Variants in LRRC37A2 observed in about 807,000 individuals in gnomAD.
LRRC37A2 encodes leucine-rich repeat-containing protein 37A2.
A neutral mutation model predicts 68.8 loss-of-function variants in LRRC37A2; 9 were observed. The observed-to-expected ratio is 0.13, with a 90% CI of 0.08 to 0.23. LRRC37A2 has a LOEUF of 0.23. Among genes scored for constraint, LRRC37A2 ranks in the 10% least tolerant of loss-of-function variants. LRRC37A2 has a pLI of 1.00. For missense variants in LRRC37A2, 168 were observed against 950.4 expected, an observed-to-expected ratio of 0.18 and a Z score of 10.82; for synonymous variants, 63 against 367.6, an observed-to-expected ratio of 0.17 and a Z score of 9.48.
the LRRC37A2 span, among the ~76,000 whole-genome samples, chr17:46,772,740 T>C: frequency 1.3e-5 from 2 of 152,126 alleles, no homozygotes; most frequent in African/African-American, 4.8e-5. Context: ...GGAACTGCAC[T>C]CTAAAATGGG....
At chr17:46,822,422 G>A in the LRRC37A2 span, among the ~76,000 whole-genome samples, 368 of 152,352 alleles carry the variant, frequency 2.4e-3, 2 homozygotes, top group Middle Eastern at 6.8e-3. Context: ...CGCATAGTAG[G>A]TAAGCACCAG....
chr17:46,885,025 G>C, the LRRC37A2 span: 2 of 432,264 alleles, frequency 4.6e-6, no homozygotes, highest in South Asian at 3.3e-5. Context: ...TCTTGTTCTT[G>C]TTGCGCAGGT....
chr17:46,800,643 C>G, the LRRC37A2 span, among the ~76,000 whole-genome samples: 60 of 152,330 alleles, frequency 3.9e-4, no homozygotes, highest in South Asian at 0.012. Flanking sequence ...CCAGCTGGAG[C>G]AGGGAGACAA....
At chr17:46,750,525 T>C in the LRRC37A2 span, among the ~76,000 whole-genome samples, 3 of 152,212 alleles carry the variant, frequency 2.0e-5, no homozygotes, top group Non-Finnish European at 2.9e-5. Context: ...TTTGGAGCAT[T>C]TTAGATTTCA....
the LRRC37A2 span, among the ~76,000 whole-genome samples, chr17:46,823,101 A>T: frequency 6.8e-5 from 9 of 132,190 alleles, no homozygotes; most frequent in South Asian, 6.7e-4. Flanking sequence ...GTATTATATA[A>T]TAAACACATA....
chr17:47,028,099 A>G, the LRRC37A2 span, among the ~76,000 whole-genome samples: 390 of 152,356 alleles, frequency 2.6e-3, 2 homozygotes, highest in Non-Finnish European at 2.7e-3. Flanking sequence ...TATCTAATGC[A>G]CCACGTGTGC....
the LRRC37A2 span, chr17:47,035,116 C>T: frequency 6.6e-6 from 1 of 152,182 alleles, no homozygotes; most frequent in Non-Finnish European, 1.5e-5. Context: ...GGTCTTCTGG[C>T]ACCTGGTGTT....
At chr17:46,991,586 T>TGGGGGGGG in the LRRC37A2 span, among the ~76,000 whole-genome samples, 1 of 151,734 alleles carries the variant, frequency 6.6e-6, no homozygotes, top group Admixed American at 6.6e-5. Flanking sequence ...CACTCCAGCT[T>TGGGGGGGG]GGGCAACAAG....
chr17:46,957,230 A>G, the LRRC37A2 span, among the ~76,000 whole-genome samples: 2 of 152,180 alleles, frequency 1.3e-5, no homozygotes, highest in Non-Finnish European at 2.9e-5. Flanking sequence ...GCTTGAGCCC[A>G]GGAGGTGGAG....
chr17:46,454,112 G>T, the LRRC37A2 span, among the ~76,000 whole-genome samples: 1 of 99,132 alleles, frequency 1.0e-5, no homozygotes, highest in Non-Finnish European at 2.2e-5. Flanking sequence ...GTGTACAGAA[G>T]CATAGTTGCA....
At chr17:46,833,080 C>T in the LRRC37A2 span, 1 of 354,944 alleles carries the variant, frequency 2.8e-6, no homozygotes, top group Non-Finnish European at 5.5e-6. Context: ...GTCCACCACA[C>T]AGCCAGGAAA....
the LRRC37A2 span, among the ~76,000 whole-genome samples, chr17:46,950,046 C>T: frequency 3.3e-5 from 5 of 152,252 alleles, no homozygotes; most frequent in African/African-American, 1.2e-4. Flanking sequence ...AACCAAATCC[C>T]AAAGAGAGGC....
At chr17:46,551,200 A>G (rs1259275223) in intron 11 of LRRC37A2, among the ~76,000 whole-genome samples, 2 of 149,230 alleles carry the variant, frequency 1.3e-5, no homozygotes, top group Non-Finnish European at 2.9e-5. Flanking sequence ...GCTTGCATCA[A>G]CTTACCTAAA....
the LRRC37A2 span, among the ~76,000 whole-genome samples, chr17:46,568,933 T>C: frequency 8.1e-6 from 1 of 123,366 alleles, no homozygotes; most frequent in Non-Finnish European, 1.7e-5. Flanking sequence ...AAGGATACTT[T>C]TTTTTTCTCT....
the LRRC37A2 span, among the ~76,000 whole-genome samples, chr17:46,866,808 G>C: frequency 2.6e-5 from 4 of 152,092 alleles, no homozygotes; most frequent in African/African-American, 9.7e-5. Flanking sequence ...CACATCCTGG[G>C]GATAGCCTCT....
At chr17:46,749,151 C>T in the LRRC37A2 span, among the ~76,000 whole-genome samples, 3 of 151,960 alleles carry the variant, frequency 2.0e-5, no homozygotes, top group Admixed American at 6.5e-5. Flanking sequence ...GAAGAAAAGC[C>T]AAGAGAATTG....
At chr17:46,991,876 T>A in the LRRC37A2 span, among the ~76,000 whole-genome samples, 1 of 152,228 alleles carries the variant, frequency 6.6e-6, no homozygotes, top group African/African-American at 2.4e-5. Flanking sequence ...AATGGCAGAA[T>A]TCAGCAGTTG....
the LRRC37A2 span, among the ~76,000 whole-genome samples, chr17:46,825,345 T>C: frequency 1.3e-5 from 2 of 152,350 alleles, no homozygotes; most frequent in South Asian, 4.1e-4. Context: ...GGAGCCATCT[T>C]TGGTCTCTTC....
At chr17:46,914,292 G>A in the LRRC37A2 span, among the ~76,000 whole-genome samples, 1 of 152,228 alleles carries the variant, frequency 6.6e-6, no homozygotes, top group Non-Finnish European at 1.5e-5. Flanking sequence ...GCGCTGGGAA[G>A]GGGAGTGACC....
Sources: allele counts gnomAD v4.1 joint callset (sites outside exome capture counted in the v4.1 genomes callset), GRCh38; gene constraint gnomAD v4.1.1; transcripts MANE v1.5; gene names NCBI Gene and HGNC (gene_info 2026-07-23, HGNC 2026-07-21).